The following GOLM1 variants were observed in gnomAD, a reference collection of about 807,000 sequenced individuals.
The protein encoded by GOLM1 is epididymis luminal protein 46.
A neutral mutation model predicts 50.5 loss-of-function variants in GOLM1; 31 were observed. That is an observed-to-expected ratio of 0.61 (90% CI 0.46 to 0.83). GOLM1 has a LOEUF of 0.83. Ranked by LOEUF, GOLM1 falls within the 40% of genes least tolerant of loss-of-function variation. The pLI is 0.00. For synonymous variants in GOLM1, 178 were observed against 192.8 expected (o/e 0.92, Z 0.64); for missense variants, 491 against 501.3 (o/e 0.98, Z 0.20).
intron 3 of GOLM1, among the ~76,000 whole-genome samples, chr9:86,070,201 A>G (rs1431821869): frequency 2.0e-5 from 3 of 152,104 alleles, no homozygotes; most frequent in Non-Finnish European, 4.4e-5. Context: ...ATCTTTTTAG[A>G]GAAAAAAACA....
chr9:86,026,306 C>CT lies in GOLM1; in HGVS notation c.*1510dup, dbSNP rs1291526049. The CT allele has an allele frequency of 5.1e-6, 5 of 984,966 alleles. No homozygotes were observed. The highest frequency in any genetic ancestry group is 9.4e-5 in the South Asian group (2 of 21,272). 61.0% of individuals were successfully genotyped at this position (984,966 alleles called of 1,614,324 possible). A position where few individuals can be genotyped will look rare whatever the true frequency, so the allele number is the denominator to read the frequency against. ...GGACTTAGAAGAGTATGAAAGTACT[C>CT]TAAGATTTTATCTAAGTTGCCTTTT... On this transcript the variant is annotated 3_prime_UTR_variant, in exon 10 of 10. Transcript: ENST00000388712.
In GOLM1 at chr9:86,028,808, C is replaced by G. The variant is rs148326869; in HGVS notation, c.1130-915G>C. On this transcript the variant is annotated intron_variant, in intron 9 of 9. Transcript: ENST00000388712. ...GGGGCACTGAAGAAGAAAGCCATACCCCCATTGCATGCCCTGTGAAGGGGA... is the reference window on the plus strand; with the variant it reads ...GGGGCACTGAAGAAGAAAGCCATACGCCCATTGCATGCCCTGTGAAGGGGA... Among the ~76,000 whole-genome samples the G allele has an allele frequency of 7.0e-3, 1,059 of 152,086 alleles. 10 individuals carry two copies. Among genetic ancestry groups the G allele is most frequent in the African/African-American group, 0.023 (938 of 41,450 alleles).
chr9:86,050,049 C>G (rs1051092292), intron 4 of GOLM1, among the ~76,000 whole-genome samples: 3 of 152,134 alleles, frequency 2.0e-5, no homozygotes, highest in African/African-American at 7.2e-5. Flanking sequence ...CCATCAATAC[C>G]TAGTTTATTG....
chr9:86,075,014 C>G (rs964260385), intron 3 of GOLM1, among the ~76,000 whole-genome samples: 2 of 152,160 alleles, frequency 1.3e-5, no homozygotes, highest in African/African-American at 2.4e-5. Context: ...ATGTTAGGAG[C>G]CGAGACCTCT....
At chr9:86,041,558 T>TC (rs905829752) in intron 5 of GOLM1, among the ~76,000 whole-genome samples, 4 of 151,936 alleles carry the variant, frequency 2.6e-5, no homozygotes, top group African/African-American at 9.7e-5. Flanking sequence ...CGTTCCTGTC[T>TC]CCCCCCGGCG....
intron 3 of GOLM1, among the ~76,000 whole-genome samples, chr9:86,060,973 C>T (rs1378306832): frequency 7.0e-6 from 1 of 143,238 alleles, no homozygotes; most frequent in African/African-American, 2.5e-5. Flanking sequence ...GAATACTTGA[C>T]ATGAGGAATT....
intron 3 of GOLM1, among the ~76,000 whole-genome samples, chr9:86,076,934 G>A (rs1834635264): frequency 6.6e-6 from 1 of 151,814 alleles, no homozygotes; most frequent in South Asian, 2.1e-4. Flanking sequence ...CGCAGGATTT[G>A]TTGGTTTTTT....
intron 7 of GOLM1, 97 bp downstream of exon 7, chr9:86,036,251 G>T: frequency 7.8e-7 from 1 of 1,281,476 alleles, no homozygotes; most frequent in African/African-American, 1.5e-5. Context: ...CTGCGCCGCT[G>T]CCGGGTTCAC....
intron 1 of GOLM1, among the ~76,000 whole-genome samples, chr9:86,086,063 T>C (rs1834951345): frequency 6.6e-6 from 1 of 152,248 alleles, no homozygotes; most frequent in East Asian, 1.9e-4. Flanking sequence ...TTTTCCACAA[T>C]GGTTGAACTA....
intron 3 of GOLM1, among the ~76,000 whole-genome samples, chr9:86,072,682 G>C (rs1007449854): frequency 6.6e-6 from 1 of 152,232 alleles, no homozygotes; most frequent in Non-Finnish European, 1.5e-5. Context: ...ATTACATTTA[G>C]ATGAATTACA....
At chr9:86,078,593 A>C (rs1834691074) in intron 2 of GOLM1, among the ~76,000 whole-genome samples, 1 of 152,136 alleles carries the variant, frequency 6.6e-6, no homozygotes, top group African/African-American at 2.4e-5. Flanking sequence ...ACAGGCAGTG[A>C]GAGTTGGGAG....
chr9:86,032,419 G>C (rs1482365775), intron 9 of GOLM1, among the ~76,000 whole-genome samples: 1 of 152,008 alleles, frequency 6.6e-6, no homozygotes, highest in East Asian at 1.9e-4. Flanking sequence ...TGCCTGCCTT[G>C]GTCTCCCAAA....
chr9:86,057,469 T>A (rs1235717146), intron 3 of GOLM1, among the ~76,000 whole-genome samples: 8 of 152,146 alleles, frequency 5.3e-5, no homozygotes. Flanking sequence ...GAGGAGTGTT[T>A]GGGAGGAGTG....
chr9:86,061,833 G>C (rs1373457234), intron 3 of GOLM1, among the ~76,000 whole-genome samples: 1 of 152,144 alleles, frequency 6.6e-6, no homozygotes, highest in Non-Finnish European at 1.5e-5. Context: ...GTGGCTAAAG[G>C]TTTAGGGGAT....
chr9:86,053,570 T>TTC (rs1833864500), intron 3 of GOLM1, among the ~76,000 whole-genome samples: 1 of 878 alleles, frequency 1.1e-3, no homozygotes, highest in Non-Finnish European at 3.8e-3. Context: ...CACACACACA[T>TTC]CACACACACC....
chr9:86,088,579 T>A (rs996117976), intron 1 of GOLM1, among the ~76,000 whole-genome samples: 3 of 148,098 alleles, frequency 2.0e-5, no homozygotes, highest in African/African-American at 7.6e-5. Flanking sequence ...TTTGTTTTTT[T>A]TTTTTTTTTG....
In GOLM1 at chr9:86,033,278, T is replaced by C. The variant is rs769414044; in HGVS notation, c.1129+4A>G. On this transcript the variant is annotated splice_donor_region_variant and intron_variant, in intron 9 of 9. Transcript: ENST00000388712. ...CTCGTCACCGATGTAGGCCCCATTC[T>C]TACCATCTATGTTTCTGTCATTCCC... 14 of 1,537,406 alleles carry C rather than the reference T, an allele frequency of 9.1e-6. No homozygotes were observed. The highest frequency in any genetic ancestry group is 1.1e-5 in the Non-Finnish European group (12 of 1,109,704).
At chr9:86,033,190 A>G (rs1019834459) in intron 9 of GOLM1, 92 bp downstream of exon 9, 2 of 732,536 alleles carry the variant, frequency 2.7e-6, no homozygotes, top group Non-Finnish European at 4.8e-6. Context: ...TAATTACAAT[A>G]TAATTTTGGG....
intron 3 of GOLM1, among the ~76,000 whole-genome samples, chr9:86,074,160 A>G (rs949130235): frequency 6.6e-6 from 1 of 151,870 alleles, no homozygotes; most frequent in Non-Finnish European, 1.5e-5. Flanking sequence ...ATGGCTGAGA[A>G]TCACCATGGT....
Sources: allele counts gnomAD v4.1 joint callset (sites outside exome capture counted in the v4.1 genomes callset), GRCh38; gene constraint gnomAD v4.1.1; transcripts MANE v1.5; gene names NCBI Gene and HGNC (gene_info 2026-07-23, HGNC 2026-07-21).